RPAP3: variants seen among roughly 807,000 people sequenced by gnomAD.
RPAP3 encodes RNA polymerase II associated protein 3.
In RPAP3, 58 loss-of-function variants were observed where a neutral mutation model predicts 88.8. The ratio of observed to expected loss-of-function variants is 0.65; its 90% CI spans 0.53 to 0.81. RPAP3 has a LOEUF of 0.81. RPAP3 is among the 40% of genes least tolerant of loss of function. The pLI is 0.00. For missense variants in RPAP3, 751 were observed against 764.3 expected (o/e 0.98, Z 0.20); for synonymous variants, 255 against 259.9 (o/e 0.98, Z 0.18).
chr12:47,669,528 A>C (rs1046559802), intron 13 of RPAP3, among the ~76,000 whole-genome samples: 4 of 152,198 alleles, frequency 2.6e-5, no homozygotes, highest in African/African-American at 9.6e-5. Flanking sequence ...CACTTTAAAT[A>C]AAAGTACTAC....
At chr12:47,664,118 G>A (rs1196824900) in intron 16 of RPAP3, among the ~76,000 whole-genome samples, 1 of 152,172 alleles carries the variant, frequency 6.6e-6, no homozygotes, top group African/African-American at 2.4e-5. Context: ...GGCCAGGCGT[G>A]GTGGTTCACG....
chr12:47,668,202 A>G (rs1389633345), intron 14 of RPAP3, among the ~76,000 whole-genome samples: 1 of 152,228 alleles, frequency 6.6e-6, no homozygotes, highest in Non-Finnish European at 1.5e-5. Context: ...TCCAAAACAA[A>G]AAGAAAAGAA....
At chr12:47,665,997 GA>G (rs1395531377) in intron 16 of RPAP3, among the ~76,000 whole-genome samples, 1 of 151,886 alleles carries the variant, frequency 6.6e-6, no homozygotes, top group Non-Finnish European at 1.5e-5. Context: ...CTTTCTTATT[GA>G]TTTAAAATCA....
intron 7 of RPAP3, among the ~76,000 whole-genome samples, chr12:47,688,369 C>T (rs2136631606): frequency 6.6e-6 from 1 of 151,862 alleles, no homozygotes. Context: ...GGATGAAAAA[C>T]TACCTATTGG....
chr12:47,697,428 A>C (rs115295506), intron 4 of RPAP3, among the ~76,000 whole-genome samples, 169 bp downstream of exon 4: 2,168 of 152,298 alleles, frequency 0.014, 54 homozygotes, highest in African/African-American at 0.049. Flanking sequence ...CTGGCTCCAG[A>C]GCATGTACTC....
chr12:47,704,273 C>CA (rs1939724658), intron 1 of RPAP3, among the ~76,000 whole-genome samples: 2 of 152,188 alleles, frequency 1.3e-5, no homozygotes, highest in South Asian at 2.1e-4. Context: ...TTACAGATGA[C>CA]AAAAAATGAG....
intron 2 of RPAP3, 21 bp downstream of exon 2, chr12:47,702,667 A>G: frequency 6.6e-7 from 1 of 1,518,074 alleles, no homozygotes; most frequent in Non-Finnish European, 8.9e-7. Context: ...GGTGGATCTT[A>G]ATTACGAATT....
rs1374472300 is a variant in RPAP3 at position 47,661,892 on chromosome 12, G to A, written c.*1613C>T. The A allele has an allele frequency of 6.6e-6, 1 of 152,148 alleles. No homozygotes were observed. The highest frequency in any genetic ancestry group is 1.5e-5 in the Non-Finnish European group (1 of 68,038). The allele number at this position is 152,148 out of a possible 1,614,324, so 9.4% of individuals were successfully genotyped here. A position where few individuals can be genotyped will look rare whatever the true frequency, so the allele number is the denominator to read the frequency against. ...GTAAGTTTCTTCAAAGGATCATACC[G>A]TAGTCCATTCGGGTTGCTATAATAA... is the stretch of plus-strand genomic sequence containing the variant. On this transcript the variant is annotated 3_prime_UTR_variant, in exon 17 of 17. Coordinates refer to ENST00000005386, the MANE Select transcript of RPAP3 (RefSeq NM_024604.3).
chr12:47,689,241 T>C, intron 6 of RPAP3, 46 bp from the exon 7 acceptor site: 1 of 755,962 alleles, frequency 1.3e-6, no homozygotes, highest in Non-Finnish European at 2.2e-6. Flanking sequence ...ATAGGTAATA[T>C]TTTAAAACAT....
chr12:47,701,638 T>C (rs756927350), intron 2 of RPAP3, 34 bp from the exon 3 acceptor site: 2 of 1,505,596 alleles, frequency 1.3e-6, no homozygotes, highest in Admixed American at 2.2e-5. Flanking sequence ...AAGTTGTGAG[T>C]ATTATGCTCT....
At chr12:47,698,781 G>T (rs549831657) in intron 3 of RPAP3, among the ~76,000 whole-genome samples, 1 of 151,956 alleles carries the variant, frequency 6.6e-6, no homozygotes, top group Admixed American at 6.6e-5. Context: ...CAAAGTGTTG[G>T]GATTACAGGC....
At chr12:47,678,058 C>T (rs927068255) in intron 12 of RPAP3, among the ~76,000 whole-genome samples, 4 of 152,050 alleles carry the variant, frequency 2.6e-5, no homozygotes, top group Non-Finnish European at 5.9e-5. Flanking sequence ...GAGATATAGA[C>T]CAATGGAACA....
chr12:47,691,139 G>A (rs894779386), intron 5 of RPAP3, among the ~76,000 whole-genome samples: 1 of 152,060 alleles, frequency 6.6e-6, no homozygotes, highest in Non-Finnish European at 1.5e-5. Context: ...TTACATAACA[G>A]AACTTCTTTC....
chr12:47,674,595 A>G (rs1467486003), intron 12 of RPAP3, among the ~76,000 whole-genome samples: 1 of 152,198 alleles, frequency 6.6e-6, no homozygotes, highest in Non-Finnish European at 1.5e-5. Flanking sequence ...GAACTTCGTG[A>G]TGCATGCACA....
chr12:47,668,704 C>T (rs1938933006), intron 14 of RPAP3, among the ~76,000 whole-genome samples: 1 of 152,228 alleles, frequency 6.6e-6, no homozygotes, highest in East Asian at 1.9e-4. Context: ...TTATTTGAGA[C>T]AATAGAATTT....
chr12:47,676,857 T>C (rs1191312385), intron 12 of RPAP3, among the ~76,000 whole-genome samples: 2 of 151,878 alleles, frequency 1.3e-5, no homozygotes, highest in Non-Finnish European at 2.9e-5. Context: ...TTCCAATCAA[T>C]AGAAAAAGAG....
intron 5 of RPAP3, among the ~76,000 whole-genome samples, chr12:47,693,871 C>T (rs1939474275): frequency 6.6e-6 from 1 of 152,164 alleles, no homozygotes. Flanking sequence ...ACAAACAAAA[C>T]ATCTAACAAA....
intron 10 of RPAP3, among the ~76,000 whole-genome samples, chr12:47,680,959 AC>A (rs1158291610): frequency 6.6e-6 from 1 of 151,354 alleles, no homozygotes; most frequent in Non-Finnish European, 1.5e-5. Flanking sequence ...TCAAAAAAAA[AC>A]AAAAAAACGA....
intron 12 of RPAP3, among the ~76,000 whole-genome samples, chr12:47,671,753 G>A (rs541222686): frequency 3.9e-5 from 6 of 152,196 alleles, no homozygotes; most frequent in African/African-American, 1.2e-4. Flanking sequence ...TTGAATTTAT[G>A]AATTTCCTAA....
Sources: allele counts gnomAD v4.1 joint callset (sites outside exome capture counted in the v4.1 genomes callset), GRCh38; gene constraint gnomAD v4.1.1; transcripts MANE v1.5; gene names NCBI Gene and HGNC (gene_info 2026-07-23, HGNC 2026-07-21).